RABGAP1L: variants seen among roughly 807,000 people sequenced by gnomAD.
RABGAP1L encodes the protein rab GTPase-activating protein 1-like.
RABGAP1L carries 63 observed loss-of-function variants against 137.7 expected under a neutral mutation model. The observed-to-expected ratio is 0.46, with a 90% confidence interval of 0.37 to 0.56. The LOEUF (loss-of-function observed/expected upper bound fraction) is 0.56, where lower values mean the gene tolerates loss of function less well. RABGAP1L is among the 20% of genes least tolerant of loss of function. The pLI is 0.00. For missense variants in RABGAP1L, 1,095 were observed against 1,244.0 expected, an observed-to-expected ratio of 0.88 and a Z score of 1.80; for synonymous variants, 431 against 433.7, an observed-to-expected ratio of 0.99 and a Z score of 0.08.
chr1:174,345,108 T>G (rs1438144160), intron 11 of RABGAP1L, among the ~76,000 whole-genome samples: 1 of 152,206 alleles, frequency 6.6e-6, no homozygotes. Flanking sequence ...ACATATGGAT[T>G]TATTTCTGTG....
intron 14 of RABGAP1L, among the ~76,000 whole-genome samples, chr1:174,661,272 G>A (rs573435905): frequency 6.6e-6 from 1 of 152,054 alleles, no homozygotes; most frequent in Non-Finnish European, 1.5e-5. Flanking sequence ...TGATTTTATA[G>A]GAAAATACAT....
At chr1:174,182,897 C>T (rs1039655703) in intron 1 of RABGAP1L, among the ~76,000 whole-genome samples, 4 of 152,024 alleles carry the variant, frequency 2.6e-5, no homozygotes, top group African/African-American at 9.7e-5. Flanking sequence ...ACATTTTTTT[C>T]CCACTAAGTT....
chr1:174,189,086 A>G (rs907870944), intron 1 of RABGAP1L, among the ~76,000 whole-genome samples: 5 of 152,130 alleles, frequency 3.3e-5, no homozygotes, highest in African/African-American at 1.2e-4. Flanking sequence ...GGTCACTGCA[A>G]GCTCCGCCTC....
intron 8 of RABGAP1L, among the ~76,000 whole-genome samples, chr1:174,273,757 A>G (rs891241702): frequency 2.6e-5 from 4 of 152,080 alleles, no homozygotes; most frequent in African/African-American, 9.7e-5. Context: ...TGTCCATAAA[A>G]CCTAAATTCA....
chr1:174,587,889 A>G (rs1327339836), intron 13 of RABGAP1L, among the ~76,000 whole-genome samples: 1 of 152,136 alleles, frequency 6.6e-6, no homozygotes, highest in Non-Finnish European at 1.5e-5. Context: ...TTTGAAACAG[A>G]GTGTCACTTT....
At chr1:174,745,635 T>G (rs1432722294) in intron 17 of RABGAP1L, among the ~76,000 whole-genome samples, 1 of 152,220 alleles carries the variant, frequency 6.6e-6, no homozygotes, top group Admixed American at 6.5e-5. Flanking sequence ...ATGGTGGCAA[T>G]AATACATATG....
chr1:174,268,446 GC>G (rs1674267447), intron 7 of RABGAP1L, among the ~76,000 whole-genome samples: 2 of 151,936 alleles, frequency 1.3e-5, no homozygotes, highest in African/African-American at 4.8e-5. Flanking sequence ...CTTGTGATCT[GC>G]CCACCTCGGC....
chr1:174,199,551 C>T (rs1389226121), intron 1 of RABGAP1L, among the ~76,000 whole-genome samples: 1 of 152,182 alleles, frequency 6.6e-6, no homozygotes, highest in Non-Finnish European at 1.5e-5. Context: ...TTTGGCTTCC[C>T]AAAGTGCTGG....
At chr1:174,435,677 T>G (rs998761141) in intron 13 of RABGAP1L, among the ~76,000 whole-genome samples, 1 of 152,146 alleles carries the variant, frequency 6.6e-6, no homozygotes. Context: ...TATTATACTT[T>G]AAGTTTTAGG....
intron 13 of RABGAP1L, among the ~76,000 whole-genome samples, chr1:174,617,155 A>G (rs889298232): frequency 6.6e-6 from 1 of 152,204 alleles, no homozygotes; most frequent in African/African-American, 2.4e-5. Context: ...GAATTGATAT[A>G]TAGAGAAAAA....
intron 19 of RABGAP1L, among the ~76,000 whole-genome samples, chr1:174,846,091 A>C (rs1694017506): frequency 6.6e-6 from 1 of 151,384 alleles, no homozygotes; most frequent in Non-Finnish European, 1.5e-5. Flanking sequence ...ATTATTTTTT[A>C]TTGTGTCTAT....
At chr1:174,969,799 T>A (rs1459851763) in intron 21 of RABGAP1L, among the ~76,000 whole-genome samples, 1 of 152,032 alleles carries the variant, frequency 6.6e-6, no homozygotes, top group Non-Finnish European at 1.5e-5. Context: ...ACATTAAGAG[T>A]TGGATTGTTA....
intron 18 of RABGAP1L, 69 bp downstream of exon 18, chr1:174,752,423 C>A: frequency 9.5e-6 from 11 of 1,152,896 alleles, no homozygotes; most frequent in South Asian, 1.4e-5. Flanking sequence ...TGGAATAATT[C>A]AATTTACAGT....
intron 19 of RABGAP1L, among the ~76,000 whole-genome samples, chr1:174,813,246 T>A (rs1056472162): frequency 4.6e-5 from 7 of 152,004 alleles, no homozygotes; most frequent in African/African-American, 1.7e-4. Context: ...GTGTTAACAG[T>A]GGAGATAGAG....
intron 13 of RABGAP1L, among the ~76,000 whole-genome samples, chr1:174,607,281 A>G (rs1461233550): frequency 6.6e-6 from 1 of 152,204 alleles, no homozygotes; most frequent in African/African-American, 2.4e-5. Context: ...AATTCTTTTC[A>G]TGAAATATTA....
chr1:174,285,846 A>G (rs1017054134), intron 10 of RABGAP1L, among the ~76,000 whole-genome samples: 8 of 152,124 alleles, frequency 5.3e-5, no homozygotes, highest in African/African-American at 1.9e-4. Flanking sequence ...TGAGAAGATC[A>G]TATGATTTTT....
At chr1:174,636,084 A>G (rs1674001530) in intron 13 of RABGAP1L, among the ~76,000 whole-genome samples, 3 of 152,198 alleles carry the variant, frequency 2.0e-5, no homozygotes, top group African/African-American at 7.2e-5. Context: ...AAGTAGCCCC[A>G]TACTATTTTC....
chr1:174,347,471 TTGTG>T (rs146114359), intron 11 of RABGAP1L, among the ~76,000 whole-genome samples: 5 of 42,144 alleles, frequency 1.2e-4, no homozygotes, highest in Admixed American at 4.4e-4. Flanking sequence ...TGACCCCTCT[TTGTG>T]TGTGTGTGTG....
chr1:174,893,424 A>G (rs1227831106), intron 19 of RABGAP1L, among the ~76,000 whole-genome samples: 2 of 152,226 alleles, frequency 1.3e-5, no homozygotes, highest in Non-Finnish European at 2.9e-5. Flanking sequence ...AATAGAAAAT[A>G]CAAAGTGGTT....
Sources: gnomAD v4.1 joint callset for allele counts (sites outside exome capture counted in the v4.1 genomes callset) on GRCh38, gnomAD v4.1.1 for gene constraint, MANE v1.5 for transcripts, NCBI Gene and HGNC (gene_info 2026-07-23, HGNC 2026-07-21) for gene names.